Variants in ADGRB3 observed in about 807,000 individuals in gnomAD.
ADGRB3 encodes brain-specific angiogenesis inhibitor 3.
In ADGRB3, 37 loss-of-function variants were observed where a neutral mutation model predicts 193.4. The ratio of observed to expected loss-of-function variants is 0.19; its 90% CI spans 0.15 to 0.25. The LOEUF (loss-of-function observed/expected upper bound fraction) is 0.25. ADGRB3 is among the 10% of genes least tolerant of loss of function. ADGRB3 has a pLI of 1.00. For missense variants in ADGRB3, 1,637 were observed against 1,852.9 expected (o/e 0.88, Z 2.14); for synonymous variants, 690 against 644.2 (o/e 1.07, Z -1.08).
At chr6:69,086,882 CAT>C (rs772704629) in intron 17 of ADGRB3, among the ~76,000 whole-genome samples, 1 of 152,012 alleles carries the variant, frequency 6.6e-6, no homozygotes, top group Admixed American at 6.6e-5. Flanking sequence ...GGGAGAATGA[CAT>C]AGCATTTTTA....
At chr6:68,829,355 G>T (rs1282212712) in intron 3 of ADGRB3, among the ~76,000 whole-genome samples, 1 of 151,806 alleles carries the variant, frequency 6.6e-6, no homozygotes, top group East Asian at 1.9e-4. Context: ...ACCCACCTCG[G>T]CTTCCCACAG....
intron 17 of ADGRB3, among the ~76,000 whole-genome samples, chr6:69,192,499 G>A (rs969774979): frequency 3.3e-5 from 5 of 152,088 alleles, no homozygotes; most frequent in African/African-American, 1.2e-4. Context: ...GACACACCCA[G>A]GAACAATATT....
chr6:69,330,589 A>G lies in ADGRB3; in HGVS notation c.3102+17A>G. ...GTTGTCCTGGTAAACATCAAAATCAACCTATTTTGTTTTCTTAGGAAAAAA... is the reference window on the plus strand; with the variant it reads ...GTTGTCCTGGTAAACATCAAAATCAGCCTATTTTGTTTTCTTAGGAAAAAA... On this transcript the variant is annotated intron_variant, in intron 23 of 31. Transcript: ENST00000370598. 1 of 1,590,770 alleles carries G rather than the reference A, an allele frequency of 6.3e-7. No individual in the cohort carries two copies. The highest frequency in any genetic ancestry group is 8.6e-7 in the Non-Finnish European group (1 of 1,169,416).
At chr6:69,012,267 T>G (rs1352838893) in intron 11 of ADGRB3, among the ~76,000 whole-genome samples, 1 of 152,044 alleles carries the variant, frequency 6.6e-6, no homozygotes. Context: ...AATTGCTTCC[T>G]GTTCTCTTGG....
At chr6:69,320,239 G>A (rs1561986483) in intron 20 of ADGRB3, among the ~76,000 whole-genome samples, 1 of 150,938 alleles carries the variant, frequency 6.6e-6, no homozygotes, top group Admixed American at 6.6e-5. Context: ...AACCCTTCCT[G>A]ATATTATTTT....
intron 20 of ADGRB3, among the ~76,000 whole-genome samples, chr6:69,244,441 T>G (rs1766447896): frequency 6.6e-6 from 1 of 152,092 alleles, no homozygotes; most frequent in Non-Finnish European, 1.5e-5. Flanking sequence ...TTCAACTATT[T>G]GTCCCATGAC....
At chr6:68,901,928 G>A (rs893183888) in intron 3 of ADGRB3, among the ~76,000 whole-genome samples, 4 of 152,012 alleles carry the variant, frequency 2.6e-5, no homozygotes, top group African/African-American at 7.3e-5. Flanking sequence ...TTTTTTAAAT[G>A]GGAGAAGTGG....
At chr6:69,160,723 T>C (rs1338520457) in intron 17 of ADGRB3, among the ~76,000 whole-genome samples, 1 of 152,170 alleles carries the variant, frequency 6.6e-6, no homozygotes, top group Non-Finnish European at 1.5e-5. Flanking sequence ...AGATTTGTAA[T>C]ATCTGTAATG....
chr6:68,759,834 A>G (rs1314635408), intron 3 of ADGRB3, among the ~76,000 whole-genome samples: 1 of 152,130 alleles, frequency 6.6e-6, no homozygotes, highest in Non-Finnish European at 1.5e-5. Context: ...CTATAGATGA[A>G]GAAAATGGAT....
Position 69,043,076 on chromosome 6 carries a change from A to G in ADGRB3, c.2108-5109A>G, listed in dbSNP as rs933106857. On this transcript the variant is annotated intron_variant, in intron 13 of 31. Transcript: ENST00000370598. Reference sequence around the variant, plus strand: ...CAGTTTATGGTCTTGGCTGCAGTGGAAATACTGAATTTGACATTCTTGATG... The same window carrying G: ...CAGTTTATGGTCTTGGCTGCAGTGGGAATACTGAATTTGACATTCTTGATG... Among the ~76,000 whole-genome samples the G allele has an allele frequency of 4.6e-5, 7 of 152,062 alleles. No individual in the cohort carries two copies. The East Asian group carries it at 9.6e-4, about 21-fold the overall frequency.
At chr6:68,984,920 G>A (rs1170928956) in intron 10 of ADGRB3, among the ~76,000 whole-genome samples, 1 of 151,660 alleles carries the variant, frequency 6.6e-6, no homozygotes, top group East Asian at 1.9e-4. Flanking sequence ...TCTCCATTTA[G>A]TATGAGGCAG....
At chr6:68,683,336 G>GTT (rs1764928629) in intron 3 of ADGRB3, among the ~76,000 whole-genome samples, 1 of 151,896 alleles carries the variant, frequency 6.6e-6, no homozygotes, top group Non-Finnish European at 1.5e-5. Flanking sequence ...CAAACATCTG[G>GTT]CAATAATTAA....
chr6:69,318,493 T>C (rs1216529731), intron 20 of ADGRB3, among the ~76,000 whole-genome samples: 1 of 151,434 alleles, frequency 6.6e-6, no homozygotes, highest in African/African-American at 2.4e-5. Context: ...TTTTGTAATT[T>C]CACATTTATG....
At chr6:69,229,819 A>G (rs933388075) in intron 17 of ADGRB3, among the ~76,000 whole-genome samples, 1 of 152,216 alleles carries the variant, frequency 6.6e-6, no homozygotes, top group Non-Finnish European at 1.5e-5. Flanking sequence ...CCAAATACTC[A>G]GATCCAAAAA....
rs535717854 is a variant in ADGRB3 at position 69,121,799 on chromosome 6, C to T, written c.2480+45761C>T. 3.6e-3 allele frequency among the ~76,000 whole-genome samples: 529 copies of T among 145,068 alleles called. 3 individuals are homozygous for T. Among genetic ancestry groups the T allele is most frequent in the South Asian group, 0.021 (97 of 4,512 alleles). On this transcript the variant is annotated intron_variant, in intron 17 of 31. Transcript: ENST00000370598. ...AGACGGGGTGGCGGCCGGGCAGAGG[C>T]GCACCTCACATCCCAGACAATGGGC...
intron 17 of ADGRB3, among the ~76,000 whole-genome samples, chr6:69,177,058 A>G (rs1221673070): frequency 6.6e-6 from 1 of 152,032 alleles, no homozygotes; most frequent in Non-Finnish European, 1.5e-5. Context: ...GATCTTGTTT[A>G]TCCTGTCAAA....
At chr6:69,104,136 C>G (rs1222178798) in intron 17 of ADGRB3, among the ~76,000 whole-genome samples, 2 of 151,594 alleles carry the variant, frequency 1.3e-5, no homozygotes, top group Non-Finnish European at 2.9e-5. Flanking sequence ...GCTGCACCCA[C>G]TAACTTGTCA....
At position 69,339,560 on chromosome 6, in the gene ADGRB3, T is replaced by TA. The variant is rs1768932460; in HGVS notation, c.3459+61dup. 2.6e-6 allele frequency: 4 copies of TA among 1,533,590 alleles called. No homozygotes were observed. The Admixed American group carries it at 5.4e-5, about 21-fold the overall frequency. 95.0% of individuals were successfully genotyped at this position (1,533,590 alleles called of 1,614,324 possible). A position where few individuals can be genotyped will look rare whatever the true frequency, so the allele number is the denominator to read the frequency against. Reference sequence around the variant, plus strand: ...GATGGTTGGAATGGTATTTCCTTGCTAAAAAGAATGATCTTTTAATATCTT... The same window carrying TA: ...GATGGTTGGAATGGTATTTCCTTGCTAAAAAAGAATGATCTTTTAATATCTT... On this transcript the variant is annotated intron_variant, in intron 26 of 31. Coordinates refer to ENST00000370598, the MANE Select transcript of ADGRB3 (RefSeq NM_001704.3).
intron 3 of ADGRB3, among the ~76,000 whole-genome samples, chr6:68,641,873 TAATA>T (rs1232828916): frequency 2.6e-5 from 4 of 151,952 alleles, no homozygotes; most frequent in African/African-American, 9.7e-5. Context: ...TATAAAATAC[TAATA>T]AATAATTATT....
Sources: gnomAD v4.1 joint callset for allele counts (sites outside exome capture counted in the v4.1 genomes callset) on GRCh38, gnomAD v4.1.1 for gene constraint, MANE v1.5 for transcripts, NCBI Gene and HGNC (gene_info 2026-07-23, HGNC 2026-07-21) for gene names.